THADA: variants seen among roughly 807,000 people sequenced by gnomAD.
THADA encodes THADA armadillo repeat containing.
Under a neutral mutation model 219.8 loss-of-function variants are expected in THADA, and 213 were observed. The ratio of observed to expected loss-of-function variants is 0.97; its 90% CI spans 0.87 to 1.09. The LOEUF (loss-of-function observed/expected upper bound fraction) is 1.09. Ranked by LOEUF, THADA falls within the 50% of genes least tolerant of loss-of-function variation. The probability of loss-of-function intolerance (pLI) is 0.00; values close to 1 mark genes in which losing one functional copy is unlikely to be tolerated. For synonymous variants in THADA, 1,018 were observed against 828.9 expected (o/e 1.23, Z -3.92); for missense variants, 2,956 against 2,311.3 (o/e 1.28, Z -5.72).
intron 36 of THADA, among the ~76,000 whole-genome samples, chr2:43,253,820 G>A (rs984416706): frequency 2.6e-5 from 4 of 152,010 alleles, no homozygotes; most frequent in Admixed American, 2.0e-4. Context: ...CTCTGATCAC[G>A]CTGCTTATTT....
At chr2:43,519,057 T>G (rs1403156664) in intron 22 of THADA, among the ~76,000 whole-genome samples, 1 of 151,930 alleles carries the variant, frequency 6.6e-6, no homozygotes, top group Non-Finnish European at 1.5e-5. Flanking sequence ...CCAATGTTAT[T>G]GGCATTAATT....
intron 31 of THADA, among the ~76,000 whole-genome samples, chr2:43,294,484 A>G (rs1488820594): frequency 6.6e-6 from 1 of 152,240 alleles, no homozygotes; most frequent in Non-Finnish European, 1.5e-5. Flanking sequence ...AGGCCATCCC[A>G]TAACACTGGA....
At chr2:43,414,406 C>T (rs1676688455) in intron 28 of THADA, among the ~76,000 whole-genome samples, 1 of 152,320 alleles carries the variant, frequency 6.6e-6, no homozygotes, top group East Asian at 1.9e-4. Context: ...AGATACATGT[C>T]ATTCTATTTC....
chr2:43,252,614 C>A (rs142231869), intron 36 of THADA, among the ~76,000 whole-genome samples: 1 of 152,130 alleles, frequency 6.6e-6, no homozygotes, highest in East Asian at 1.9e-4. Context: ...ATTACCCACG[C>A]CCCCTACTCC....
intron 36 of THADA, among the ~76,000 whole-genome samples, chr2:43,279,501 G>C (rs943170002): frequency 6.6e-6 from 1 of 152,266 alleles, no homozygotes; most frequent in African/African-American, 2.4e-5. Context: ...TTTTTCTTTA[G>C]GATGTCCTAC....
rs142505679 is a variant in THADA, at chr2:43,590,371, T to C, written c.302+453A>G. ...TAAGCATGTGACCTAAGAAGGCTTT[T>C]TATACTTTTAAAAAGTTGTAACTAG... On this transcript the variant is annotated intron_variant, in intron 4 of 37. Coordinates refer to ENST00000405975, the MANE Select transcript of THADA (RefSeq NM_022065.5). Among the ~76,000 whole-genome samples the C allele has an allele frequency of 8.8e-4, 134 of 152,216 alleles. 1 individual carries two copies. Among genetic ancestry groups the C allele is most frequent in the African/African-American group, 3.2e-3 (132 of 41,538 alleles).
At chr2:43,470,096 C>A (rs958143443) in intron 26 of THADA, among the ~76,000 whole-genome samples, 1 of 151,118 alleles carries the variant, frequency 6.6e-6, no homozygotes, top group Non-Finnish European at 1.5e-5. Context: ...GTAGCCCCAA[C>A]TACTTGGGGG....
At chr2:43,388,654 T>C (rs984945953) in intron 29 of THADA, among the ~76,000 whole-genome samples, 10 of 152,194 alleles carry the variant, frequency 6.6e-5, no homozygotes, top group African/African-American at 1.9e-4. Flanking sequence ...CCTTAAAAAT[T>C]TGAGCTAATC....
intron 29 of THADA, among the ~76,000 whole-genome samples, chr2:43,358,211 G>C (rs1293194833): frequency 3.3e-5 from 5 of 152,114 alleles, no homozygotes; most frequent in African/African-American, 1.2e-4. Context: ...ATTACTTTTA[G>C]AGTCAGAAAC....
intron 26 of THADA, among the ~76,000 whole-genome samples, chr2:43,484,788 G>C (rs974905747): frequency 2.6e-5 from 4 of 151,968 alleles, no homozygotes; most frequent in Admixed American, 1.3e-4. Context: ...CTTAGTACAA[G>C]AGTTTAATGC....
At chr2:43,277,529 C>T (rs975616920) in intron 36 of THADA, among the ~76,000 whole-genome samples, 2 of 152,226 alleles carry the variant, frequency 1.3e-5, no homozygotes, top group Non-Finnish European at 2.9e-5. Context: ...CCTACTTCCC[C>T]AAGCTCCTCC....
intron 31 of THADA, among the ~76,000 whole-genome samples, chr2:43,294,744 T>A (rs1675162023): frequency 6.6e-6 from 1 of 151,702 alleles, no homozygotes; most frequent in Non-Finnish European, 1.5e-5. Context: ...GAGAAATAAA[T>A]GACGAGGGCC....
chr2:43,287,108 G>A, intron 34 of THADA, 47 bp from the exon 35 acceptor site: 1 of 1,556,532 alleles, frequency 6.4e-7, no homozygotes, highest in Non-Finnish European at 8.7e-7. Flanking sequence ...GATGCAACAA[G>A]GGCTGACACA....
intron 31 of THADA, among the ~76,000 whole-genome samples, chr2:43,310,234 C>A (rs533866799): frequency 6.2e-5 from 8 of 129,168 alleles, no homozygotes; most frequent in South Asian, 3.0e-4. Context: ...CCGCCCCCCC[C>A]CCAAACAAGC....
At chr2:43,382,545 T>C (rs565295046) in intron 29 of THADA, among the ~76,000 whole-genome samples, 1 of 151,514 alleles carries the variant, frequency 6.6e-6, no homozygotes, top group Admixed American at 6.6e-5. Context: ...CAAAAGAGAG[T>C]TGGTGTCACC....
In THADA at chr2:43,572,668, G is replaced by A. The variant is rs1699424823; in HGVS notation, c.1908+146C>T. On this transcript the variant is annotated intron_variant, in intron 12 of 37. Coordinates refer to ENST00000405975, the MANE Select transcript of THADA (RefSeq NM_022065.5). ...AGCTTGAAGAAAGGGCCTACTGAAA[G>A]TTTAGTTGGGAGACTAGGGTTTCTA... The A allele has an allele frequency of 1.3e-5, 8 of 617,016 alleles. No homozygotes were observed. In the South Asian group the frequency reaches 2.6e-4, roughly 20 times the overall value. The allele number at this position is 617,016 out of a possible 1,614,324, so 38.2% of individuals were successfully genotyped here.
At chr2:43,313,008 G>C (rs1677685838) in intron 31 of THADA, among the ~76,000 whole-genome samples, 1 of 152,096 alleles carries the variant, frequency 6.6e-6, no homozygotes. Flanking sequence ...GCCAGTGTTT[G>C]TTTTCATTCT....
At chr2:43,588,406 C>T (rs1701219358) in intron 4 of THADA, among the ~76,000 whole-genome samples, 1 of 151,818 alleles carries the variant, frequency 6.6e-6, no homozygotes, top group African/African-American at 2.4e-5. Context: ...CAAAAATTAG[C>T]TGAATTGATA....
intron 22 of THADA, among the ~76,000 whole-genome samples, chr2:43,523,297 G>A (rs1328673084): frequency 1.3e-5 from 2 of 151,500 alleles, no homozygotes; most frequent in Non-Finnish European, 2.9e-5. Flanking sequence ...AAGCCAGGAG[G>A]CAGAAGTTGC....
Sources: allele counts gnomAD v4.1 joint callset (sites outside exome capture counted in the v4.1 genomes callset), GRCh38; gene constraint gnomAD v4.1.1; transcripts MANE v1.5; gene names NCBI Gene and HGNC (gene_info 2026-07-23, HGNC 2026-07-21).